Variants in SPDYE10 observed in about 807,000 individuals in gnomAD.
The protein encoded by SPDYE10 is speedy protein E10.
the SPDYE10 span, among the ~76,000 whole-genome samples, chr7:73,143,078 A>G: frequency 6.6e-6 from 1 of 150,924 alleles, no homozygotes; most frequent in Non-Finnish European, 1.5e-5. Flanking sequence ...CCACAGCCAC[A>G]CCTTCTGCAG....
the SPDYE10 span, among the ~76,000 whole-genome samples, chr7:73,113,673 C>T: frequency 3.3e-5 from 5 of 151,928 alleles, no homozygotes; most frequent in African/African-American, 4.9e-5. Flanking sequence ...GCAGGTGGAT[C>T]GCTTGAGGTC....
At chr7:73,118,150 CAAAAAAA>C in the SPDYE10 span, among the ~76,000 whole-genome samples, 3 of 6,206 alleles carry the variant, frequency 4.8e-4, no homozygotes, top group Non-Finnish European at 7.6e-4. Context: ...GACTCTCTGT[CAAAAAAA>C]AAAAAAAAAA....
At chr7:73,142,760 ACCC>A in the SPDYE10 span, among the ~76,000 whole-genome samples, 1 of 151,868 alleles carries the variant, frequency 6.6e-6, no homozygotes, top group Non-Finnish European at 1.5e-5. Flanking sequence ...AACATGGTGA[ACCC>A]CCATCTCCGC....
chr7:73,114,298 C>T, the SPDYE10 span, among the ~76,000 whole-genome samples: 4 of 135,616 alleles, frequency 2.9e-5, no homozygotes, highest in East Asian at 2.3e-4. Context: ...TTGTGATGAA[C>T]GTTCCTGCAC....
the SPDYE10 span, among the ~76,000 whole-genome samples, chr7:73,114,534 A>ATTTTT: frequency 0.043 from 5,571 of 130,424 alleles, 24 homozygotes; most frequent in Admixed American, 0.062. Flanking sequence ...TTTAAGCCCT[A>ATTTTT]TTTTTTTTTT....
At chr7:73,126,909 GTTT>G in the SPDYE10 span, among the ~76,000 whole-genome samples, 2 of 68,802 alleles carry the variant, frequency 2.9e-5, no homozygotes, top group South Asian at 4.9e-4. Context: ...GTTGTTGGTG[GTTT>G]TTTTTTTTTT....
chr7:73,123,543 T>C, the SPDYE10 span, among the ~76,000 whole-genome samples: 1 of 152,236 alleles, frequency 6.6e-6, no homozygotes. Context: ...CTCAGCTCAC[T>C]GCAACCTCCG....
chr7:73,126,506 C>CAAAAA, the SPDYE10 span, among the ~76,000 whole-genome samples: 24 of 47,864 alleles, frequency 5.0e-4, no homozygotes, highest in African/African-American at 1.8e-3. Context: ...GACTCCATCT[C>CAAAAA]AAAAAAAAAA....
At chr7:73,113,852 C>A in the SPDYE10 span, among the ~76,000 whole-genome samples, 7 of 151,884 alleles carry the variant, frequency 4.6e-5, no homozygotes, top group Non-Finnish European at 8.8e-5. Flanking sequence ...TGGCTAACAC[C>A]CCATCTCTGC....
the SPDYE10 span, among the ~76,000 whole-genome samples, chr7:73,152,407 G>T: frequency 7.6e-6 from 1 of 131,864 alleles, no homozygotes; most frequent in South Asian, 2.5e-4. Context: ...TTTTTGAGAT[G>T]GAGGCTCACT....
At chr7:73,134,851 G>A in the SPDYE10 span, among the ~76,000 whole-genome samples, 28 of 151,976 alleles carry the variant, frequency 1.8e-4, no homozygotes, top group Admixed American at 1.2e-3. Flanking sequence ...AACAGAAACC[G>A]CACAGGCAAG....
the SPDYE10 span, among the ~76,000 whole-genome samples, chr7:73,122,411 T>C: frequency 6.6e-6 from 1 of 152,118 alleles, no homozygotes; most frequent in South Asian, 2.1e-4. Flanking sequence ...TGAAACCCCG[T>C]CTCTACTAAA....
chr7:73,147,832 GAC>G, the SPDYE10 span, among the ~76,000 whole-genome samples: 1 of 147,244 alleles, frequency 6.8e-6, no homozygotes, highest in South Asian at 2.1e-4. Context: ...TGTTTTTTGA[GAC>G]AGAGTCTAGT....
the SPDYE10 span, among the ~76,000 whole-genome samples, chr7:73,135,400 G>C: frequency 6.7e-6 from 1 of 149,404 alleles, no homozygotes; most frequent in East Asian, 1.9e-4. Context: ...GAATTGCTTT[G>C]TCCACGCATT....
the SPDYE10 span, among the ~76,000 whole-genome samples, chr7:73,149,860 C>G: frequency 9.6e-6 from 1 of 104,038 alleles, no homozygotes; most frequent in African/African-American, 4.4e-5. Context: ...AGGGCAAGTC[C>G]CAATGCACAG....
the SPDYE10 span, among the ~76,000 whole-genome samples, chr7:73,113,915 A>G: frequency 6.6e-6 from 1 of 151,858 alleles, no homozygotes; most frequent in Non-Finnish European, 1.5e-5. Flanking sequence ...ATTCCCAGCT[A>G]CTCAGGAGGC....
the SPDYE10 span, among the ~76,000 whole-genome samples, chr7:73,137,867 GAGAGGA>G: frequency 1.0e-5 from 1 of 100,020 alleles, no homozygotes; most frequent in Admixed American, 1.0e-4. Flanking sequence ...GGAGGGGAAG[GAGAGGA>G]GAAGGGGAGG....
At chr7:73,113,885 G>T in the SPDYE10 span, among the ~76,000 whole-genome samples, 1 of 152,066 alleles carries the variant, frequency 6.6e-6, no homozygotes, top group Non-Finnish European at 1.5e-5. Context: ...AAGTAGCCAG[G>T]CATGGTTGCG....
the SPDYE10 span, among the ~76,000 whole-genome samples, chr7:73,137,614 GA>G: frequency 7.2e-6 from 1 of 139,808 alleles, no homozygotes; most frequent in African/African-American, 2.8e-5. Context: ...AAGAAAGAAA[GA>G]AAGAAAGAAA....
Sources: allele counts gnomAD v4.1 joint callset (sites outside exome capture counted in the v4.1 genomes callset), GRCh38; gene constraint gnomAD v4.1.1; transcripts MANE v1.5; gene names NCBI Gene and HGNC (gene_info 2026-07-23, HGNC 2026-07-21).